The following SETX variants were observed in gnomAD, a reference collection of about 807,000 sequenced individuals.
SETX encodes the protein helicase senataxin.
Under a neutral mutation model 227.2 loss-of-function variants are expected in SETX, and 90 were observed. The ratio of observed to expected loss-of-function variants is 0.40; its 90% CI spans 0.33 to 0.47. SETX has a LOEUF of 0.47. SETX is among the 20% of genes least tolerant of loss of function. The pLI is 0.91. For synonymous variants in SETX, 1,210 were observed against 1,113.2 expected, an observed-to-expected ratio of 1.09 and a Z score of -1.73; for missense variants, 3,052 against 3,181.5, an observed-to-expected ratio of 0.96 and a Z score of 0.98.
chr9:132,314,611 C>T (rs1845858616), intron 10 of SETX, among the ~76,000 whole-genome samples: 1 of 152,162 alleles, frequency 6.6e-6, no homozygotes, highest in Admixed American at 6.5e-5. Context: ...TGTTCCTTTT[C>T]TTCCCACTCC....
At chr9:132,305,202 A>C (rs1042695884) in intron 11 of SETX, among the ~76,000 whole-genome samples, 2 of 151,324 alleles carry the variant, frequency 1.3e-5, no homozygotes, top group Non-Finnish European at 2.9e-5. Context: ...AAAATACAAA[A>C]AATTAGCCGG....
chr9:132,312,364 T>C (rs546681355), intron 10 of SETX, among the ~76,000 whole-genome samples: 37 of 152,302 alleles, frequency 2.4e-4, no homozygotes, highest in African/African-American at 8.7e-4. Flanking sequence ...AACTCAGAAG[T>C]ACCCTTAAGG....
intron 11 of SETX, among the ~76,000 whole-genome samples, chr9:132,303,135 A>C (rs533583053): frequency 1.3e-5 from 2 of 152,172 alleles, no homozygotes; most frequent in Admixed American, 6.5e-5. Flanking sequence ...CTCCTGCCTC[A>C]GCCTCCCATG....
intron 4 of SETX, 134 bp downstream of exon 4, chr9:132,346,127 A>G (rs968299848): frequency 3.4e-5 from 25 of 732,312 alleles, no homozygotes; most frequent in Middle Eastern, 3.8e-4. Context: ...AAAACGTTGG[A>G]AAAAAAATGA....
intron 5 of SETX, 50 bp downstream of exon 5, chr9:132,342,637 CTAT>C: frequency 8.3e-7 from 1 of 1,198,898 alleles, no homozygotes; most frequent in South Asian, 1.2e-5. Context: ...TTATAGCTAT[CTAT>C]AGGTACAAAA....
chr9:132,286,165 G>C (rs1239654025), intron 18 of SETX, among the ~76,000 whole-genome samples: 3 of 137,570 alleles, frequency 2.2e-5, no homozygotes, highest in Non-Finnish European at 4.6e-5. Context: ...TCTGGTGACA[G>C]AGCAAGACTT....
rs752130698 is a variant in SETX, at chr9:132,327,880, T to G, written c.3718A>C (p.Lys1240Gln). ...TCTGAATGAGTTTTCTTAGGGGTCTTAGAAACTGGAACTTTCCTGATGGGT... is the reference window on the plus strand; with the variant it reads ...TCTGAATGAGTTTTCTTAGGGGTCTGAGAAACTGGAACTTTCCTGATGGGT... Reference protein sequence around the residue: ...TEPIRKVPVSKTPKKTHSDAK... With the variant: ...TEPIRKVPVSQTPKKTHSDAK... Residue 1240 changes from lysine to glutamine, a missense_variant, in exon 10 of 26, where the codon AAG becomes CAG. Lys to Gln is a moderately conservative substitution (Grantham distance 53). Coordinates refer to ENST00000224140, the MANE Select transcript of SETX (RefSeq NM_015046.7). The G allele has an allele frequency of 6.8e-6, 11 of 1,614,240 alleles. No individual in the cohort carries two copies. Among genetic ancestry groups the G allele is most frequent in the Non-Finnish European group, 9.3e-6 (11 of 1,180,042 alleles).
rs1847058160 is a variant in SETX at position 132,329,193 on chromosome 9, C to T, written c.2405G>A (p.Ser802Asn). ...ATTGATAGTATTATCGACCAAAGTA[C>T]TCTTCCTGTGTTGCTTCTTTATTAC... The part of the protein sequence containing the change: ...SHVIKKQHRK[S>N]TLVDNTINLD... The change falls in exon 10 of 26, where the codon AGT (serine) becomes AAT (asparagine). Residue 802 changes from serine (S) to asparagine (N), a missense_variant. Transcript: ENST00000224140. The T allele has an allele frequency of 2.5e-6, 4 of 1,613,580 alleles. No individual in the cohort carries two copies. The highest frequency in any genetic ancestry group is 3.4e-6 in the Non-Finnish European group (4 of 1,179,886).
rs1847480414 is a variant in SETX, at chr9:132,334,696, T to C, written c.750A>G (p.Glu250=). The C allele has an allele frequency of 6.2e-7, 1 of 1,614,032 alleles. No homozygotes were observed. Among genetic ancestry groups the C allele is most frequent in the Admixed American group, 1.7e-5 (1 of 60,008 alleles). ...CCAACAACAGGGAATCCATGGCTTG[T>C]TCCTCAAGAATGGTCAGCAACATGC... The part of the protein sequence containing the change: ...GICMLLTILE[E]QAMDSLLLGS... Residue 250 remains glutamate, a synonymous_variant, in exon 7 of 26, where the codon GAA becomes GAG. Transcript: ENST00000224140.
chr9:132,318,234 T>C (rs1171713127), intron 10 of SETX, among the ~76,000 whole-genome samples: 1 of 152,230 alleles, frequency 6.6e-6, no homozygotes, highest in Non-Finnish European at 1.5e-5. Flanking sequence ...GGTTTCTCCT[T>C]CTTGCTTCAT....
At chr9:132,267,996 A>T (rs1039914177) in intron 25 of SETX, among the ~76,000 whole-genome samples, 5 of 152,238 alleles carry the variant, frequency 3.3e-5, no homozygotes, top group Non-Finnish European at 7.3e-5. Flanking sequence ...GCAACATTTC[A>T]TTTACTTGTC....
rs1842508086 is a variant in SETX at position 132,264,086 on chromosome 9, G to C, written c.*153C>G. On this transcript the variant is annotated 3_prime_UTR_variant, in exon 26 of 26. Transcript: ENST00000224140. ...GCAAATGACAGAAAATACTGAAGAT[G>C]ACCAGAGGCTCAGGTGTTAAGGATG... 2.0e-6 allele frequency: 2 copies of C among 1,024,306 alleles called. No homozygotes were observed. The highest frequency in any genetic ancestry group is 2.9e-6 in the Non-Finnish European group (2 of 685,374). 63.5% of individuals were successfully genotyped at this position (1,024,306 alleles called of 1,614,324 possible).
intron 15 of SETX, among the ~76,000 whole-genome samples, chr9:132,292,625 ATTT>A (rs529367112): frequency 8.8e-4 from 110 of 125,198 alleles, no homozygotes; most frequent in African/African-American, 3.3e-3. Flanking sequence ...TTCCCAACTC[ATTT>A]TTTTTTTTTT....
In SETX at chr9:132,328,684, T is replaced by C. The variant is rs1354775471; in HGVS notation, c.2914A>G (p.Ser972Gly). 5 of 1,613,688 alleles carry C rather than the reference T, an allele frequency of 3.1e-6. No individual in the cohort carries two copies. The highest frequency in any genetic ancestry group is 1.7e-5 in the Admixed American group (1 of 59,962). ...LHKLSLLAQASVITFPSDSPQ... is the reference protein window; with the variant it reads ...LHKLSLLAQAGVITFPSDSPQ... ...GAATCGGATGGGAACGTAATAACAC[T>C]GGCTTGAGCTAGTAAAGATAATTTG... Residue 972 changes from serine (S) to glycine (G), a missense_variant, in exon 10 of 26, where the codon AGT becomes GGT. Physicochemically the swap from Ser to Gly is moderately conservative, Grantham distance 56 (BLOSUM62 0). Coordinates refer to ENST00000224140, the MANE Select transcript of SETX (RefSeq NM_015046.7).
intron 15 of SETX, 34 bp from the exon 16 acceptor site, chr9:132,288,685 G>A (rs1844085156): frequency 7.5e-7 from 1 of 1,332,338 alleles, no homozygotes; most frequent in Admixed American, 1.7e-5. Context: ...GGACTAATAA[G>A]GACACTGCTG....
At chr9:132,315,111 C>T (rs1204453917) in intron 10 of SETX, among the ~76,000 whole-genome samples, 1 of 151,984 alleles carries the variant, frequency 6.6e-6, no homozygotes, top group East Asian at 1.9e-4. Context: ...CAGGGTTTCA[C>T]CAAAGTTGGC....
chr9:132,337,485 G>A (rs537888821), intron 5 of SETX, among the ~76,000 whole-genome samples: 1 of 148,680 alleles, frequency 6.7e-6, no homozygotes, highest in South Asian at 2.1e-4. Flanking sequence ...ATCCTTCATA[G>A]TAAAAGTATT....
At chr9:132,312,352 C>A (rs1238515445) in intron 10 of SETX, among the ~76,000 whole-genome samples, 2 of 152,154 alleles carry the variant, frequency 1.3e-5, no homozygotes, top group Non-Finnish European at 2.9e-5. Flanking sequence ...GTCAAAGCTC[C>A]AAACTCAGAA....
chr9:132,322,835 T>C (rs1426580153), intron 10 of SETX, among the ~76,000 whole-genome samples: 1 of 15,380 alleles, frequency 6.5e-5, no homozygotes, highest in African/African-American at 3.0e-4. Flanking sequence ...TAGCTAACTT[T>C]AAAATTATCA....
Sources: allele counts gnomAD v4.1 joint callset (sites outside exome capture counted in the v4.1 genomes callset), GRCh38; gene constraint gnomAD v4.1.1; transcripts MANE v1.5; gene names NCBI Gene and HGNC (gene_info 2026-07-23, HGNC 2026-07-21).